The following RNF115 variants were observed in gnomAD, a reference collection of about 807,000 sequenced individuals.
RNF115 encodes ring finger protein 115.
In RNF115, 31 loss-of-function variants were observed where a neutral mutation model predicts 39.2. The ratio of observed to expected loss-of-function variants is 0.79; its 90% confidence interval spans 0.59 to 1.07. The LOEUF (loss-of-function observed/expected upper bound fraction) is 1.07, where lower values mean the gene tolerates loss of function less well. Among genes scored for constraint, RNF115 ranks in the 50% least tolerant of loss-of-function variants. The probability of loss-of-function intolerance (pLI) is 0.00; values close to 1 mark genes in which losing one functional copy is unlikely to be tolerated. For synonymous variants in RNF115, 124 were observed against 131.0 expected (o/e 0.95, Z 0.37); for missense variants, 384 against 381.7 (o/e 1.01, Z -0.05).
At chr1:145,771,986 G>GT in intron 3 of RNF115, 67 bp from the exon 4 acceptor site, 2 of 1,280,450 alleles carry the variant, frequency 1.6e-6, no homozygotes, top group Non-Finnish European at 2.2e-6. Flanking sequence ...ATTGTTTACA[G>GT]TTTTTTATAT....
chr1:145,793,842 C>CT (rs11304765), intron 1 of RNF115, among the ~76,000 whole-genome samples: 12,406 of 135,784 alleles, frequency 0.091, 784 homozygotes, highest in African/African-American at 0.15. Flanking sequence ...TACCCTCTTT[C>CT]TTTTTTTTTT....
intron 4 of RNF115, among the ~76,000 whole-genome samples, chr1:145,758,498 TAATA>T (rs1258202673): frequency 1.3e-5 from 2 of 152,208 alleles, no homozygotes; most frequent in African/African-American, 2.4e-5. Flanking sequence ...AATATTGAGA[TAATA>T]AATATTGTCA....
At chr1:145,780,089 T>A (rs1553717099) in intron 3 of RNF115, among the ~76,000 whole-genome samples, 2 of 151,446 alleles carry the variant, frequency 1.3e-5, no homozygotes, top group Non-Finnish European at 2.9e-5. Flanking sequence ...TTAGCCAGGT[T>A]TGGCGGCGGG....
intron 2 of RNF115, among the ~76,000 whole-genome samples, chr1:145,786,328 C>T (rs587767450): frequency 2.6e-5 from 4 of 152,286 alleles, no homozygotes; most frequent in African/African-American, 9.6e-5. Flanking sequence ...CACTACTTAC[C>T]ACTGCAATTG....
intron 1 of RNF115, among the ~76,000 whole-genome samples, chr1:145,815,283 G>C (rs1282161611): frequency 1.3e-5 from 2 of 152,304 alleles, no homozygotes; most frequent in African/African-American, 4.8e-5. Flanking sequence ...TAGAGGGAGA[G>C]AAGCCTACTA....
At chr1:145,768,656 G>C (rs1647494364) in intron 4 of RNF115, among the ~76,000 whole-genome samples, 1 of 152,182 alleles carries the variant, frequency 6.6e-6, no homozygotes, top group Admixed American at 6.5e-5. Flanking sequence ...CCCGTAGAAT[G>C]AACAGGAATC....
intron 1 of RNF115, among the ~76,000 whole-genome samples, chr1:145,812,592 G>A (rs1183926493): frequency 6.6e-6 from 1 of 151,558 alleles, no homozygotes; most frequent in Non-Finnish European, 1.5e-5. Flanking sequence ...CGTGGGAGGC[G>A]GAGGTTGCAG....
rs587701375 is a variant in RNF115 at position 145,794,450 on chromosome 1, T to C, written c.103-5484A>G. ...GCACTGCCTAAAAGCTTCCTGTAACTAGAACACTATTTCCCTAACTTTCTG... is the reference window on the plus strand; with the variant it reads ...GCACTGCCTAAAAGCTTCCTGTAACCAGAACACTATTTCCCTAACTTTCTG... On this transcript the variant is annotated intron_variant, in intron 1 of 8. Transcript: ENST00000582693. 4.7e-5 allele frequency among the ~76,000 whole-genome samples: 7 copies of C among 150,064 alleles called. No homozygotes were observed. The East Asian group carries it at 1.2e-3, about 25-fold the overall frequency.
intron 8 of RNF115, 22 bp from the exon 9 acceptor site, chr1:145,747,019 C>T: frequency 6.2e-7 from 1 of 1,601,562 alleles, no homozygotes; most frequent in Non-Finnish European, 8.5e-7. Context: ...AAATATTAGT[C>T]TATGTGAAGA....
At chr1:145,754,064 T>C (rs1307570491) in intron 4 of RNF115, among the ~76,000 whole-genome samples, 1 of 152,140 alleles carries the variant, frequency 6.6e-6, no homozygotes, top group African/African-American at 2.4e-5. Context: ...CCAATTAATA[T>C]AACAATGGCA....
intron 4 of RNF115, among the ~76,000 whole-genome samples, chr1:145,762,263 A>T (rs1445688024): frequency 6.6e-6 from 1 of 152,156 alleles, no homozygotes; most frequent in Non-Finnish European, 1.5e-5. Context: ...TGGTTTTGAA[A>T]TGTGAAGACA....
chr1:145,741,744 C>T lies in RNF115; in HGVS notation c.*5122G>A, dbSNP rs1407591309. Reference sequence around the variant, plus strand: ...CTTTTACCTTCCGATCGCTCTACCACAGAGGCCAAAAAGGGTTTTCCCCTA... The same window carrying T: ...CTTTTACCTTCCGATCGCTCTACCATAGAGGCCAAAAAGGGTTTTCCCCTA... On this transcript the variant is annotated 3_prime_UTR_variant, in exon 9 of 9. Coordinates refer to ENST00000582693, the MANE Select transcript of RNF115 (RefSeq NM_014455.4). The T allele has an allele frequency of 6.6e-6, 1 of 152,206 alleles. No individual in the cohort carries two copies. Among genetic ancestry groups the T allele is most frequent in the Admixed American group, 6.5e-5 (1 of 15,272 alleles). The allele number at this position is 152,206 out of a possible 1,614,324, so 9.4% of individuals were successfully genotyped here.
In RNF115 at chr1:145,771,709, AC is replaced by A; in HGVS notation, c.428+1del. 1.2e-6 allele frequency: 2 copies of A among 1,611,096 alleles called. No individual in the cohort carries two copies. The highest frequency in any genetic ancestry group is 1.7e-6 in the Non-Finnish European group (2 of 1,178,402). On this transcript the variant is annotated splice_donor_variant, in intron 4 of 8. Coordinates refer to ENST00000582693, the MANE Select transcript of RNF115 (RefSeq NM_014455.4). LOFTEE classifies it high-confidence loss of function. ...AAAAGAACTTAAAATAAAACAACTC[AC>A]CCTTCAATAGCTGGAGATCTGTCAG...
At chr1:145,806,073 C>A (rs587616439) in intron 1 of RNF115, among the ~76,000 whole-genome samples, 11 of 152,248 alleles carry the variant, frequency 7.2e-5, no homozygotes, top group Admixed American at 7.2e-4. Flanking sequence ...TAAGTCCAGG[C>A]ACAGTGGCTC....
rs1252478637 is a variant in RNF115, at chr1:145,743,764, G to A, written c.*3102C>T. On this transcript the variant is annotated 3_prime_UTR_variant, in exon 9 of 9. Coordinates refer to ENST00000582693, the MANE Select transcript of RNF115 (RefSeq NM_014455.4). ...CCACTGCACTCCAGCCTAGGCGACA[G>A]AGCAAGCCTCCATCTCAAAAAATAA... is the stretch of plus-strand genomic sequence containing the variant. 2 of 144,638 alleles carry A rather than the reference G, an allele frequency of 1.4e-5. No homozygotes were observed. Among genetic ancestry groups the A allele is most frequent in the Non-Finnish European group, 3.0e-5 (2 of 67,052 alleles). 9.0% of individuals were successfully genotyped at this position (144,638 alleles called of 1,614,324 possible). A position where few individuals can be genotyped will look rare whatever the true frequency, so the allele number is the denominator to read the frequency against.
chr1:145,810,372 T>C (rs1570691800), intron 1 of RNF115, among the ~76,000 whole-genome samples: 1 of 52,782 alleles, frequency 1.9e-5, no homozygotes, highest in East Asian at 4.9e-4. Flanking sequence ...TTTGCAGGGA[T>C]GTGGATGGAG....
chr1:145,755,301 C>G (rs145924288), intron 4 of RNF115, among the ~76,000 whole-genome samples: 47 of 152,038 alleles, frequency 3.1e-4, no homozygotes, highest in African/African-American at 9.9e-4. Context: ...GGATCAATCA[C>G]TTGCTCTGGG....
chr1:145,811,353 A>G (rs1553722497), intron 1 of RNF115, among the ~76,000 whole-genome samples: 1 of 109,772 alleles, frequency 9.1e-6, no homozygotes, highest in African/African-American at 3.1e-5. Context: ...CCCCATCACT[A>G]CCAAAAAAAA....
chr1:145,813,671 T>C lies in RNF115; in HGVS notation c.102+10101A>G, dbSNP rs587603118. On this transcript the variant is annotated intron_variant, in intron 1 of 8. Coordinates refer to ENST00000582693, the MANE Select transcript of RNF115 (RefSeq NM_014455.4). ...GCCCTAGTTCCTGTTCTAAACACTC[T>C]CTCCCATCAGAGGTTTGCCTAAAAT... is the stretch of plus-strand genomic sequence containing the variant. Among the ~76,000 whole-genome samples the C allele has an allele frequency of 7.2e-5, 11 of 152,212 alleles. No homozygotes were observed. In the South Asian group the frequency reaches 1.7e-3, roughly 23 times the overall value.
Sources: gnomAD v4.1 joint callset for allele counts (sites outside exome capture counted in the v4.1 genomes callset) on GRCh38, gnomAD v4.1.1 for gene constraint, MANE v1.5 for transcripts, NCBI Gene and HGNC (gene_info 2026-07-23, HGNC 2026-07-21) for gene names.